GBF1: variants seen among roughly 807,000 people sequenced by gnomAD.
The protein encoded by GBF1 is golgi brefeldin A resistant guanine nucleotide exchange factor 1.
GBF1 carries 114 observed loss-of-function variants against 210.5 expected under a neutral mutation model. That is an observed-to-expected ratio of 0.54 (90% CI 0.47 to 0.63). The LOEUF (loss-of-function observed/expected upper bound fraction) is 0.63, where lower values mean the gene tolerates loss of function less well. Among genes scored for constraint, GBF1 ranks in the 30% least tolerant of loss-of-function variants. The probability of loss-of-function intolerance (pLI) is 0.00; values close to 1 mark genes in which losing one functional copy is unlikely to be tolerated. For synonymous variants in GBF1, 850 were observed against 889.2 expected (o/e 0.96, Z 0.78); for missense variants, 1,851 against 2,357.7 (o/e 0.79, Z 4.45).
the GBF1 span, among the ~76,000 whole-genome samples, chr10:102,236,497 A>G: frequency 0.01 from 1,556 of 152,312 alleles, 23 homozygotes; most frequent in African/African-American, 0.036. Flanking sequence ...CCCAGGGAGT[A>G]CAGAGGGCCT....
chr10:102,290,212 ATTCAT>A (rs1156984383), intron 3 of GBF1, among the ~76,000 whole-genome samples: 1 of 152,102 alleles, frequency 6.6e-6, no homozygotes, highest in Non-Finnish European at 1.5e-5. Flanking sequence ...TTTTCCTCTT[ATTCAT>A]TTAGTATCAT....
intron 38 of GBF1, 82 bp downstream of exon 38, chr10:102,380,768 G>C: frequency 8.3e-7 from 1 of 1,200,328 alleles, no homozygotes; most frequent in Middle Eastern, 2.0e-4. Flanking sequence ...AGCACTTTGA[G>C]AGGCCGAGGT....
chr10:102,296,483 G>A (rs999893037), intron 3 of GBF1, among the ~76,000 whole-genome samples: 16 of 151,792 alleles, frequency 1.1e-4, no homozygotes, highest in African/African-American at 3.4e-4. Context: ...GGTGGCTCAC[G>A]CCTGTAATCT....
chr10:102,379,151 CGAG>C, intron 33 of GBF1, 130 bp from the exon 34 acceptor site: 1 of 742,748 alleles, frequency 1.3e-6, no homozygotes, highest in South Asian at 1.8e-5. Flanking sequence ...GAAAGAGTAG[CGAG>C]GGGGTGAGGT....
In GBF1 at chr10:102,361,039, A is replaced by T; in HGVS notation, c.1410A>T (p.Arg470=). 6.3e-7 allele frequency: 1 copy of T among 1,585,496 alleles called. No individual in the cohort carries two copies. Among genetic ancestry groups the T allele is most frequent in the Non-Finnish European group, 8.7e-7 (1 of 1,154,276 alleles). ...RHLFQLLSIE[R]LNLYAASLRV... ...ATCTCCAGCTACTCAGCATAGAGCGACTAAACCTTTATGCTGCTTCCCTGC... is the reference window on the plus strand; with the variant it reads ...ATCTCCAGCTACTCAGCATAGAGCGTCTAAACCTTTATGCTGCTTCCCTGC... The change falls in exon 13 of 40, where the codon CGA becomes CGT. Residue 470 remains arginine, a synonymous_variant. Transcript: ENST00000369983.
chr10:102,286,194 G>GT (rs55904022), intron 3 of GBF1, among the ~76,000 whole-genome samples: 2,681 of 126,028 alleles, frequency 0.021, 74 homozygotes, highest in African/African-American at 0.083. Context: ...AAGCATAAGG[G>GT]TTTTTTTTTT....
intron 1 of GBF1, among the ~76,000 whole-genome samples, chr10:102,252,749 A>G (rs2071727533): frequency 6.6e-6 from 1 of 151,874 alleles, no homozygotes; most frequent in African/African-American, 2.4e-5. Context: ...TGGGAGGCTG[A>G]GGTGGGAGGA....
chr10:102,300,976 CTTTTTTTTT>C (rs11413620), intron 3 of GBF1, among the ~76,000 whole-genome samples: 1 of 136,272 alleles, frequency 7.3e-6, no homozygotes, highest in Non-Finnish European at 1.6e-5. Flanking sequence ...ATTTTCTTTT[CTTTTTTTTT>C]TTTTTTTAAG....
intron 4 of GBF1, 117 bp downstream of exon 4, chr10:102,344,299 T>C (rs2058388095): frequency 1.7e-5 from 14 of 828,400 alleles, no homozygotes; most frequent in Non-Finnish European, 2.6e-5. Flanking sequence ...GTCACCTCTT[T>C]TCTTGTAGAA....
chr10:102,352,243 T>A (rs955196018), intron 6 of GBF1, among the ~76,000 whole-genome samples: 1 of 152,162 alleles, frequency 6.6e-6, no homozygotes, highest in Non-Finnish European at 1.5e-5. Flanking sequence ...TGCAACCCCC[T>A]AGAACACATC....
At chr10:102,344,519 C>T (rs2058401025) in intron 4 of GBF1, among the ~76,000 whole-genome samples, 1 of 152,030 alleles carries the variant, frequency 6.6e-6, no homozygotes, top group Admixed American at 6.6e-5. Flanking sequence ...CTCACTCTGT[C>T]GCCCAGGCTG....
At chr10:102,300,040 G>A (rs1189603884) in intron 3 of GBF1, among the ~76,000 whole-genome samples, 4 of 152,168 alleles carry the variant, frequency 2.6e-5, no homozygotes, top group Non-Finnish European at 5.9e-5. Context: ...GGTGGAGTAT[G>A]TTTTCACATG....
chr10:102,273,123 A>T (rs934606890), intron 3 of GBF1, among the ~76,000 whole-genome samples: 1 of 152,128 alleles, frequency 6.6e-6, no homozygotes, highest in African/African-American at 2.4e-5. Flanking sequence ...TGGGTGCATC[A>T]TGAGGTCAGG....
At chr10:102,362,686 G>A in intron 15 of GBF1, 22 bp downstream of exon 15, 1 of 1,581,022 alleles carries the variant, frequency 6.3e-7, no homozygotes, top group South Asian at 1.1e-5. Context: ...TTCTTTCTTT[G>A]ATGAACCCAG....
Position 102,380,367 on chromosome 10 carries a change from G to A in GBF1, c.4992+5G>A. 6.2e-7 allele frequency: 1 copy of A among 1,605,478 alleles called. No individual in the cohort carries two copies. Among genetic ancestry groups the A allele is most frequent in the Non-Finnish European group, 8.5e-7 (1 of 1,172,136 alleles). On this transcript the variant is annotated splice_donor_5th_base_variant and intron_variant, in intron 37 of 39. Transcript: ENST00000369983. ...GCAGGCTCCAGCGACTTACTGGTAT[G>A]TTCTACCTCAGCTCTGCTGCCTGCC...
intron 6 of GBF1, 114 bp downstream of exon 6, chr10:102,352,065 C>G: frequency 1.4e-6 from 1 of 708,814 alleles, no homozygotes; most frequent in Non-Finnish European, 2.6e-6. Flanking sequence ...CATCATCTAT[C>G]TCATGCGATC....
At position 102,361,243 on chromosome 10, in the gene GBF1, T is replaced by C. The variant is rs921273935; in HGVS notation, c.1491+123T>C. 38 of 674,746 alleles carry C rather than the reference T, an allele frequency of 5.6e-5. No homozygotes were observed. In the Admixed American group the frequency reaches 8.2e-4, roughly 15 times the overall value. The allele number at this position is 674,746 out of a possible 1,614,324, so 41.8% of individuals were successfully genotyped here. A position where few individuals can be genotyped will look rare whatever the true frequency, so the allele number is the denominator to read the frequency against. On this transcript the variant is annotated intron_variant, in intron 13 of 39. Transcript: ENST00000369983. ...TTAGGGACTTCCTATAGGAGAGTCCTTTTAGCCTCCAGAGTTCGGTTCAAT... is the reference window on the plus strand; with the variant it reads ...TTAGGGACTTCCTATAGGAGAGTCCCTTTAGCCTCCAGAGTTCGGTTCAAT...
chr10:102,278,949 G>A (rs1410577963), intron 3 of GBF1, among the ~76,000 whole-genome samples: 1 of 152,168 alleles, frequency 6.6e-6, no homozygotes, highest in Admixed American at 6.5e-5. Context: ...TAAGCAATCT[G>A]TAGGGAAACA....
intron 3 of GBF1, among the ~76,000 whole-genome samples, chr10:102,299,132 A>G (rs761983058): frequency 9.2e-5 from 14 of 152,210 alleles, no homozygotes; most frequent in Non-Finnish European, 1.9e-4. Flanking sequence ...CTTATGAGGC[A>G]CTTACCATAA....
Sources: allele counts gnomAD v4.1 joint callset (sites outside exome capture counted in the v4.1 genomes callset), GRCh38; gene constraint gnomAD v4.1.1; transcripts MANE v1.5; gene names NCBI Gene and HGNC (gene_info 2026-07-23, HGNC 2026-07-21).